NCKAP5: variants seen among roughly 807,000 people sequenced by gnomAD.
NCKAP5 encodes the protein NCK associated protein 5, also known as nck-associated protein 5.
In NCKAP5, 92 loss-of-function variants were observed where a neutral mutation model predicts 167.0. That is an observed-to-expected ratio of 0.55 (90% CI 0.47 to 0.66). NCKAP5 has a LOEUF of 0.66. Among genes scored for constraint, NCKAP5 ranks in the 30% least tolerant of loss-of-function variants. The pLI is 0.00. For synonymous variants in NCKAP5, 891 were observed against 877.4 expected, an observed-to-expected ratio of 1.02 and a Z score of -0.27; for missense variants, 2,378 against 2,315.0, an observed-to-expected ratio of 1.03 and a Z score of -0.56.
intron 2 of NCKAP5, among the ~76,000 whole-genome samples, chr2:133,528,315 T>C (rs1387123097): frequency 9.0e-6 from 1 of 111,246 alleles, no homozygotes; most frequent in Non-Finnish European, 1.7e-5. Flanking sequence ...AAAACTTCAA[T>C]TACTGGGCCT....
intron 6 of NCKAP5, among the ~76,000 whole-genome samples, chr2:133,044,314 A>G (rs1380776049): frequency 1.3e-5 from 2 of 152,196 alleles, no homozygotes; most frequent in East Asian, 3.8e-4. Context: ...TGCAAGACAC[A>G]AAGTGAAAGA....
chr2:133,070,638 T>C (rs1245392813), intron 6 of NCKAP5, among the ~76,000 whole-genome samples: 1 of 152,166 alleles, frequency 6.6e-6, no homozygotes, highest in Non-Finnish European at 1.5e-5. Context: ...AGAGATCTTT[T>C]TCAAGTCACT....
chr2:133,094,652 C>A (rs962240036), intron 6 of NCKAP5, among the ~76,000 whole-genome samples: 1 of 152,060 alleles, frequency 6.6e-6, no homozygotes, highest in African/African-American at 2.4e-5. Context: ...GATATCACAC[C>A]CTGATTATGT....
At chr2:132,723,908 TC>T (rs1336372881) in intron 19 of NCKAP5, among the ~76,000 whole-genome samples, 8 of 152,232 alleles carry the variant, frequency 5.3e-5, no homozygotes, top group Admixed American at 5.2e-4. Flanking sequence ...CTTTAAGTCA[TC>T]CAAATTCCCT....
intron 3 of NCKAP5, among the ~76,000 whole-genome samples, chr2:133,460,126 C>A (rs1692112319): frequency 6.6e-6 from 1 of 152,114 alleles, no homozygotes; most frequent in Non-Finnish European, 1.5e-5. Context: ...TAAATAAGAG[C>A]CCTCTAACTA....
intron 8 of NCKAP5, among the ~76,000 whole-genome samples, chr2:132,883,237 C>CACACACACACAT (rs56707659): frequency 2.7e-5 from 4 of 148,510 alleles, no homozygotes. Flanking sequence ...CACACACACA[C>CACACACACACAT]GACACCCACC....
intron 3 of NCKAP5, among the ~76,000 whole-genome samples, chr2:133,326,809 C>T (rs1682486068): frequency 6.6e-6 from 1 of 152,198 alleles, no homozygotes; most frequent in African/African-American, 2.4e-5. Flanking sequence ...CCTGGCTGCT[C>T]ACAGTAGAGT....
At chr2:133,448,493 G>A (rs187794006) in intron 3 of NCKAP5, among the ~76,000 whole-genome samples, 22 of 152,284 alleles carry the variant, frequency 1.4e-4, no homozygotes, top group Middle Eastern at 3.4e-3. Flanking sequence ...CAAAAGTAGC[G>A]CATGTATGTT....
intron 4 of NCKAP5, among the ~76,000 whole-genome samples, chr2:133,298,853 A>C (rs1680146581): frequency 1.3e-5 from 2 of 152,180 alleles, no homozygotes; most frequent in Admixed American, 1.3e-4. Context: ...GATTTAATTA[A>C]TACATTGGTT....
chr2:132,910,382 C>T (rs148872280), intron 8 of NCKAP5, among the ~76,000 whole-genome samples: 71 of 152,254 alleles, frequency 4.7e-4, no homozygotes, highest in Admixed American at 2.1e-3. Context: ...TGTACCCACC[C>T]ATTAACCATC....
chr2:133,534,930 T>C (rs1685642539), intron 2 of NCKAP5, among the ~76,000 whole-genome samples: 1 of 152,176 alleles, frequency 6.6e-6, no homozygotes, highest in African/African-American at 2.4e-5. Context: ...CTGCATCATT[T>C]TACATTCTCA....
At chr2:133,391,358 C>CA (rs2150989652) in intron 3 of NCKAP5, 1 of 157,890 alleles carries the variant, frequency 6.3e-6, no homozygotes, top group East Asian at 1.9e-4. Context: ...CCCTGGCAGT[C>CA]AATGGGGGAC....
At chr2:132,840,765 G>T (rs1197804864) in intron 11 of NCKAP5, among the ~76,000 whole-genome samples, 1 of 152,062 alleles carries the variant, frequency 6.6e-6, no homozygotes, top group Non-Finnish European at 1.5e-5. Context: ...GTTTGTGTGC[G>T]TATGTTTTGA....
At chr2:133,394,061 C>T (rs541102141) in intron 3 of NCKAP5, among the ~76,000 whole-genome samples, 1 of 152,354 alleles carries the variant, frequency 6.6e-6, no homozygotes, top group East Asian at 1.9e-4. Flanking sequence ...ACAAATTAGA[C>T]AGACTCCTGC....
the NCKAP5 span, among the ~76,000 whole-genome samples, chr2:133,607,063 A>G: frequency 5.3e-5 from 8 of 152,324 alleles, no homozygotes; most frequent in South Asian, 1.7e-3. Context: ...AATCTCCGAA[A>G]GTGAGCCTGA....
chr2:133,275,503 A>G (rs534807185), intron 4 of NCKAP5, among the ~76,000 whole-genome samples: 13 of 152,202 alleles, frequency 8.5e-5, no homozygotes, highest in African/African-American at 2.9e-4. Flanking sequence ...CCACCTGTTG[A>G]TAACAATGCA....
At chr2:133,671,904 C>G in the NCKAP5 span, among the ~76,000 whole-genome samples, 1 of 152,142 alleles carries the variant, frequency 6.6e-6, no homozygotes. Context: ...ATTTTATATG[C>G]CTGCTCAAAC....
rs1432506423 is a variant in NCKAP5 at position 133,303,120 on chromosome 2, C to T, written c.70-10G>A. On this transcript the variant is annotated splice_polypyrimidine_tract_variant and intron_variant, in intron 3 of 19. Coordinates refer to ENST00000409261, the MANE Select transcript of NCKAP5 (RefSeq NM_207363.3). ...TGGAGTCCATGTATTCCTGCACAAG[C>T]AGACAAAGACAGATGAAAACTCACT... is the stretch of plus-strand genomic sequence containing the variant. 8.9e-6 allele frequency: 14 copies of T among 1,568,046 alleles called. No individual in the cohort carries two copies. Among genetic ancestry groups the T allele is most frequent in the Non-Finnish European group, 3.5e-6 (4 of 1,153,662 alleles).
At chr2:133,107,077 C>T (rs1369650527) in intron 6 of NCKAP5, among the ~76,000 whole-genome samples, 1 of 152,136 alleles carries the variant, frequency 6.6e-6, no homozygotes, top group Non-Finnish European at 1.5e-5. Context: ...GTCATTTTTA[C>T]ATCATCAAAA....
Sources: allele counts gnomAD v4.1 joint callset (sites outside exome capture counted in the v4.1 genomes callset), GRCh38; gene constraint gnomAD v4.1.1; transcripts MANE v1.5; gene names NCBI Gene and HGNC (gene_info 2026-07-23, HGNC 2026-07-21).